The following IMMP2L variants were observed in gnomAD, a reference collection of about 807,000 sequenced individuals.
IMMP2L encodes the protein inner mitochondrial membrane peptidase subunit 2, also known as mitochondrial inner membrane protease subunit 2.
IMMP2L carries 18 observed loss-of-function variants against 19.3 expected under a neutral mutation model. The observed-to-expected ratio is 0.93, with a 90% CI of 0.64 to 1.38. The LOEUF is 1.38. Ranked by LOEUF, IMMP2L falls within the 40% of genes most tolerant of loss-of-function variation. IMMP2L has a pLI of 0.00. For missense variants in IMMP2L, 233 were observed against 218.2 expected (o/e 1.07, Z -0.43); for synonymous variants, 76 against 73.0 (o/e 1.04, Z -0.21).
chr7:110,946,852 C>G (rs1311687306), intron 4 of IMMP2L, among the ~76,000 whole-genome samples: 1 of 150,824 alleles, frequency 6.6e-6, no homozygotes, highest in African/African-American at 2.4e-5. Context: ...TCCCGAGTAG[C>G]TGGGACTACA....
At chr7:111,170,946 G>A (rs1243194260) in intron 3 of IMMP2L, among the ~76,000 whole-genome samples, 1 of 151,742 alleles carries the variant, frequency 6.6e-6, no homozygotes, top group Admixed American at 6.6e-5. Context: ...CTTGAGGTAT[G>A]TGATCATAGT....
chr7:110,768,308 G>GAAAAAAAAAAAAAA (rs56248524), intron 5 of IMMP2L, among the ~76,000 whole-genome samples: 1 of 120,874 alleles, frequency 8.3e-6, no homozygotes. Flanking sequence ...GAAAAGAAAG[G>GAAAAAAAAAAAAAA]AAAAAAAAAA....
At chr7:111,453,551 A>G (rs931246755) in intron 3 of IMMP2L, among the ~76,000 whole-genome samples, 3 of 152,198 alleles carry the variant, frequency 2.0e-5, no homozygotes, top group Non-Finnish European at 4.4e-5. Flanking sequence ...ATTGTTTGAT[A>G]TCGGTAACTT....
Position 110,697,418 on chromosome 7 carries a change from AG to A in IMMP2L, c.409-33698del, listed in dbSNP as rs1291078434. 2.0e-5 allele frequency among the ~76,000 whole-genome samples: 3 copies of A among 152,358 alleles called. No individual in the cohort carries two copies. In the East Asian group the frequency reaches 5.8e-4, roughly 29 times the overall value. ...GAATGGCTAATTTACCTCACTGAGTAGTTGAAGGAATCTCCAATAGAATCAC... is the reference window on the plus strand; with the variant it reads ...GAATGGCTAATTTACCTCACTGAGTATTGAAGGAATCTCCAATAGAATCAC... On this transcript the variant is annotated intron_variant, in intron 5 of 5. Transcript: ENST00000405709.
At position 110,962,813 on chromosome 7, in the gene IMMP2L, T is replaced by C. The variant is rs1285582363; in HGVS notation, c.305+687A>G. ...TTTTAGAAAACAGGGTCAGAAAACT[T>C]CCTCAATGTAGTAGTCAAAGCATTT... is the stretch of plus-strand genomic sequence containing the variant. On this transcript the variant is annotated intron_variant, in intron 4 of 5. Coordinates refer to ENST00000405709, the MANE Select transcript of IMMP2L (RefSeq NM_032549.4). 4 of 1,203,008 alleles carry C rather than the reference T, an allele frequency of 3.3e-6. No individual in the cohort carries two copies. In the East Asian group the frequency reaches 1.4e-4, roughly 42 times the overall value. The allele number at this position is 1,203,008 out of a possible 1,614,324, so 74.5% of individuals were successfully genotyped here.
chr7:111,152,348 T>C (rs1787631024), intron 3 of IMMP2L, among the ~76,000 whole-genome samples: 1 of 152,078 alleles, frequency 6.6e-6, no homozygotes, highest in South Asian at 2.1e-4. Flanking sequence ...GCCTCTTATG[T>C]ATAACTTTTC....
At chr7:110,886,540 G>T (rs879159593) in intron 5 of IMMP2L, 53 bp downstream of exon 5, 4 of 974,832 alleles carry the variant, frequency 4.1e-6, no homozygotes, top group South Asian at 3.9e-5. Context: ...ACATAGTTTT[G>T]TTCTCACCTT....
At chr7:111,311,459 T>C (rs1187939929) in intron 3 of IMMP2L, among the ~76,000 whole-genome samples, 1 of 152,160 alleles carries the variant, frequency 6.6e-6, no homozygotes, top group African/African-American at 2.4e-5. Context: ...GAGCCATGTA[T>C]GGTAATCCCT....
chr7:111,304,200 A>T (rs964940577), intron 3 of IMMP2L, among the ~76,000 whole-genome samples: 2 of 152,108 alleles, frequency 1.3e-5, no homozygotes, highest in African/African-American at 4.8e-5. Flanking sequence ...AAGGATGAAG[A>T]TATTGTTAAC....
chr7:111,521,424 C>T lies in IMMP2L; in HGVS notation c.24G>A (p.Val8=). 1 of 1,612,610 alleles carries T rather than the reference C, an allele frequency of 6.2e-7. No homozygotes were observed. The highest frequency in any genetic ancestry group is 8.5e-7 in the Non-Finnish European group (1 of 1,179,142). The change falls in exon 2 of 6, where the codon GTG becomes GTA. Residue 8 remains valine, a synonymous_variant. Transcript: ENST00000405709. Reference sequence around the variant, plus strand: ...TACAAAAGGCCTTGATGTATCTTTTCACCCACCCTTGTGACTGTGCCATAC... The same window carrying T: ...TACAAAAGGCCTTGATGTATCTTTTTACCCACCCTTGTGACTGTGCCATAC... MAQSQGW[V]KRYIKAFCKG... is the part of the protein sequence containing the mutation.
intron 3 of IMMP2L, among the ~76,000 whole-genome samples, chr7:111,024,258 T>G (rs1227446360): frequency 6.6e-6 from 1 of 152,224 alleles, no homozygotes; most frequent in Non-Finnish European, 1.5e-5. Flanking sequence ...GGATAAGTTT[T>G]GACTTATGTA....
chr7:111,498,407 G>C (rs776614734), intron 2 of IMMP2L, among the ~76,000 whole-genome samples: 9 of 151,650 alleles, frequency 5.9e-5, no homozygotes, highest in African/African-American at 1.9e-4. Context: ...CCAGCTACAC[G>C]GAAAAACCCC....
At chr7:110,698,671 G>A (rs571421067) in intron 5 of IMMP2L, among the ~76,000 whole-genome samples, 1 of 152,334 alleles carries the variant, frequency 6.6e-6, no homozygotes, top group South Asian at 2.1e-4. Flanking sequence ...GACAGGAGGA[G>A]CTCTGGGCCT....
chr7:111,402,126 T>A (rs1427525513), intron 3 of IMMP2L, among the ~76,000 whole-genome samples: 1 of 4,714 alleles, frequency 2.1e-4, no homozygotes, highest in African/African-American at 1.3e-3. Flanking sequence ...ATCTCAAAAA[T>A]AATAATAATA....
In IMMP2L at chr7:111,356,674, G is replaced by C. The variant is rs114881453; in HGVS notation, c.239+130564C>G. On this transcript the variant is annotated intron_variant, in intron 3 of 5. Transcript: ENST00000405709. ...TTTCCAGATAAACTGAAATAAAACT[G>C]GTTTTTAAAAAAAGAAAGAATTGAC... Among the ~76,000 whole-genome samples, 1,365 of 151,878 alleles carry C rather than the reference G, an allele frequency of 9.0e-3. 26 individuals carry two copies. Among genetic ancestry groups the C allele is most frequent in the African/African-American group, 0.032 (1,307 of 41,442 alleles).
At chr7:111,471,427 C>G (rs1327614009) in intron 3 of IMMP2L, among the ~76,000 whole-genome samples, 1 of 152,050 alleles carries the variant, frequency 6.6e-6, no homozygotes, top group East Asian at 1.9e-4. Flanking sequence ...GATTCCATAA[C>G]TTTAGCAGCA....
intron 3 of IMMP2L, among the ~76,000 whole-genome samples, chr7:111,031,959 G>GTTTTTT (rs1790876254): frequency 1.3e-5 from 1 of 77,134 alleles, no homozygotes. Flanking sequence ...TTTTTTTTGA[G>GTTTTTT]ACAGGGTCTC....
At chr7:111,103,426 A>AT (rs754104653) in intron 3 of IMMP2L, among the ~76,000 whole-genome samples, 10 of 151,644 alleles carry the variant, frequency 6.6e-5, no homozygotes, top group East Asian at 3.9e-4. Flanking sequence ...CTTTCCAAGG[A>AT]TTTTTTCTTC....
intron 3 of IMMP2L, among the ~76,000 whole-genome samples, chr7:111,281,162 G>A (rs1819716366): frequency 4.4e-5 from 1 of 22,686 alleles, no homozygotes; most frequent in African/African-American, 1.4e-4. Context: ...AAGACAGAAA[G>A]AAAGAAAGAA....
Sources: gnomAD v4.1 joint callset for allele counts (sites outside exome capture counted in the v4.1 genomes callset) on GRCh38, gnomAD v4.1.1 for gene constraint, MANE v1.5 for transcripts, NCBI Gene and HGNC (gene_info 2026-07-23, HGNC 2026-07-21) for gene names.